The following PXMP2 variants were observed in gnomAD, a reference collection of about 807,000 sequenced individuals.
PXMP2 encodes 22 kDa peroxisomal membrane protein.
PXMP2 carries 13 observed loss-of-function variants against 20.2 expected under a neutral mutation model. The ratio of observed to expected loss-of-function variants is 0.64; its 90% CI spans 0.42 to 1.02. PXMP2 has a LOEUF of 1.02. PXMP2 is among the 50% of genes least tolerant of loss of function. The pLI is 0.00. For synonymous variants in PXMP2, 113 were observed against 111.2 expected, an observed-to-expected ratio of 1.02 and a Z score of -0.10; for missense variants, 284 against 251.8, an observed-to-expected ratio of 1.13 and a Z score of -0.87.
Position 132,692,352 on chromosome 12 carries a change from CAGTT to C in PXMP2, c.236+1984_236+1987del, listed in dbSNP as rs1460443684. Among the ~76,000 whole-genome samples the C allele has an allele frequency of 3.6e-4, 42 of 115,480 alleles. 1 individual carries two copies. The highest frequency in any genetic ancestry group is 1.8e-3 in the South Asian group (6 of 3,392). The allele number at this position is 115,480 out of a possible 152,430, so 75.8% of individuals were successfully genotyped here. ...CAGTTAGTTAGTGAGCGCCCTTAGC[CAGTT>C]AGTTAGTGAGCTCCCTTGCCAGTTA... On this transcript the variant is annotated intron_variant, in intron 2 of 4. Coordinates refer to ENST00000317479, the MANE Select transcript of PXMP2 (RefSeq NM_018663.3).
chr12:132,691,354 G>A (rs1042163613), intron 2 of PXMP2, among the ~76,000 whole-genome samples: 1 of 152,090 alleles, frequency 6.6e-6, no homozygotes, highest in African/African-American at 2.4e-5. Context: ...GGCCTCTATT[G>A]TTATTTTCAT....
intron 3 of PXMP2, among the ~76,000 whole-genome samples, chr12:132,700,336 C>T (rs376602895): frequency 2.0e-5 from 3 of 152,100 alleles, no homozygotes; most frequent in Non-Finnish European, 4.4e-5. Flanking sequence ...CATGAGCCAC[C>T]GCGCCTGGCC....
At chr12:132,704,268 A>G (rs1383894862) in intron 4 of PXMP2, among the ~76,000 whole-genome samples, 1 of 152,092 alleles carries the variant, frequency 6.6e-6, no homozygotes, top group Non-Finnish European at 1.5e-5. Context: ...GTGTCCCCTG[A>G]GGAGGGTGCA....
intron 2 of PXMP2, among the ~76,000 whole-genome samples, chr12:132,691,808 A>G (rs1041564599): frequency 6.6e-6 from 1 of 152,260 alleles, no homozygotes; most frequent in African/African-American, 2.4e-5. Context: ...CAACGTCACA[A>G]GTTGAAAGAC....
At position 132,694,532 on chromosome 12, in the gene PXMP2, TTAGA is replaced by T. The variant is rs1475240894; in HGVS notation, c.237-1348_237-1345del. Among the ~76,000 whole-genome samples, 9 of 89,108 alleles carry T rather than the reference TTAGA, an allele frequency of 1.0e-4. 1 individual carries two copies. Among genetic ancestry groups the T allele is most frequent in the South Asian group, 4.1e-4 (1 of 2,458 alleles). 58.5% of individuals were successfully genotyped at this position (89,108 alleles called of 152,430 possible). ...TAGTTAAGTGAGCGCCCTTAGCCAGTTAGATAGTGAGCGCCCTTGCCAGTTAGTT... is the reference window on the plus strand; with the variant it reads ...TAGTTAAGTGAGCGCCCTTAGCCAGTTAGTGAGCGCCCTTGCCAGTTAGTT... On this transcript the variant is annotated intron_variant, in intron 2 of 4. Coordinates refer to ENST00000317479, the MANE Select transcript of PXMP2 (RefSeq NM_018663.3).
In PXMP2 at chr12:132,689,196, G is replaced by A. The variant is rs563491785; in HGVS notation, c.123-1067G>A. ...GGGGCACGGGTAAAGACAGGGCCAAGGGAGCGGGTCTGCGTGGTGCGGGTG... is the reference window on the plus strand; with the variant it reads ...GGGGCACGGGTAAAGACAGGGCCAAAGGAGCGGGTCTGCGTGGTGCGGGTG... On this transcript the variant is annotated intron_variant, in intron 1 of 4. Transcript: ENST00000317479. 1.3e-3 allele frequency among the ~76,000 whole-genome samples: 190 copies of A among 145,270 alleles called. 2 individuals carry two copies. The highest frequency in any genetic ancestry group is 4.2e-3 in the African/African-American group (164 of 38,708).
intron 4 of PXMP2, among the ~76,000 whole-genome samples, chr12:132,703,428 G>T (rs1353035047): frequency 1.3e-5 from 2 of 152,204 alleles, no homozygotes; most frequent in East Asian, 3.9e-4. Flanking sequence ...AGAAAGAGCA[G>T]CTCTGCGGGG....
rs1296568641 is a variant in PXMP2 at position 132,701,269 on chromosome 12, TCGC to T, written c.424_426del (p.Ala142del). On this transcript the variant is annotated inframe_deletion, in exon 4 of 5. Transcript: ENST00000317479. ...TTGCAGGGGAAAGACGCCTCAGCCT[TCGC>T]CGCCAAGATGAGGGGGGGCTTCTGG... The T allele has an allele frequency of 6.2e-7, 1 of 1,613,468 alleles. No individual in the cohort carries two copies. Among genetic ancestry groups the T allele is most frequent in the Admixed American group, 1.7e-5 (1 of 59,904 alleles).
intron 3 of PXMP2, among the ~76,000 whole-genome samples, chr12:132,698,441 T>A (rs1359587577): frequency 6.6e-6 from 1 of 152,228 alleles, no homozygotes; most frequent in Non-Finnish European, 1.5e-5. Context: ...ATAGAAATAT[T>A]CTCCTCTGCT....
At chr12:132,702,134 C>T (rs993606483) in intron 4 of PXMP2, among the ~76,000 whole-genome samples, 1 of 152,200 alleles carries the variant, frequency 6.6e-6, no homozygotes, top group Non-Finnish European at 1.5e-5. Context: ...ATTCGTGGTC[C>T]CTGGGCTCAT....
At chr12:132,694,878 AG>A in intron 2 of PXMP2, among the ~76,000 whole-genome samples, 1 of 142,530 alleles carries the variant, frequency 7.0e-6, no homozygotes, top group African/African-American at 2.7e-5. Context: ...CCAGTTAGTT[AG>A]TGAGCGCCCT....
chr12:132,691,751 A>G (rs985750451), intron 2 of PXMP2, among the ~76,000 whole-genome samples: 7 of 152,172 alleles, frequency 4.6e-5, no homozygotes, highest in Non-Finnish European at 4.4e-5. Flanking sequence ...ATAACCCCCT[A>G]TGACTGGGTG....
chr12:132,687,587 A>C lies in PXMP2; in HGVS notation c.-84A>C. 2 of 1,159,196 alleles carry C rather than the reference A, an allele frequency of 1.7e-6. No homozygotes were observed. The highest frequency in any genetic ancestry group is 2.1e-6 in the Non-Finnish European group (2 of 936,318). The allele number at this position is 1,159,196 out of a possible 1,614,324, so 71.8% of individuals were successfully genotyped here. A position where few individuals can be genotyped will look rare whatever the true frequency, so the allele number is the denominator to read the frequency against. On this transcript the variant is annotated 5_prime_UTR_variant, in exon 1 of 5. Coordinates refer to ENST00000317479, the MANE Select transcript of PXMP2 (RefSeq NM_018663.3). ...GGGCCGGAAATGTCAGGCGGTCCCC[A>C]CTCCGCTCTCGGCGCCTCGGGCTCC...
intron 2 of PXMP2, 113 bp from the exon 3 acceptor site, chr12:132,695,771 C>T (rs2043406430): frequency 1.7e-6 from 2 of 1,168,726 alleles, no homozygotes; most frequent in Non-Finnish European, 2.4e-6. Context: ...GTGGCCAATA[C>T]TGAGGGACAT....
chr12:132,695,402 G>A (rs1157688539), intron 2 of PXMP2, among the ~76,000 whole-genome samples: 2 of 152,254 alleles, frequency 1.3e-5, no homozygotes, highest in Admixed American at 6.5e-5. Flanking sequence ...CCAGGGACAT[G>A]TCTGATGATT....
At chr12:132,689,876 G>A (rs2043356518) in intron 1 of PXMP2, among the ~76,000 whole-genome samples, 1 of 152,166 alleles carries the variant, frequency 6.6e-6, no homozygotes, top group South Asian at 2.1e-4. Flanking sequence ...TCTTGTAGCT[G>A]TATCTGTTCT....
chr12:132,687,814 G>C (rs1038080245), intron 1 of PXMP2, 22 bp downstream of exon 1: 5 of 1,138,332 alleles, frequency 4.4e-6, no homozygotes, highest in Non-Finnish European at 4.3e-6. Context: ...CGCGGGAATC[G>C]GACGCCGCCC....
chr12:132,697,202 T>C (rs906489269), intron 3 of PXMP2, among the ~76,000 whole-genome samples: 4 of 151,164 alleles, frequency 2.6e-5, no homozygotes, highest in Admixed American at 2.6e-4. Flanking sequence ...AGAAGATCCC[T>C]TGAGCCCAAG....
intron 4 of PXMP2, 58 bp from the exon 5 acceptor site, chr12:132,704,561 G>A: frequency 1.5e-6 from 2 of 1,311,038 alleles, no homozygotes; most frequent in Non-Finnish European, 2.0e-6. Flanking sequence ...GACTGAGGCT[G>A]GATAACTGGC....
Sources: allele counts gnomAD v4.1 joint callset (sites outside exome capture counted in the v4.1 genomes callset), GRCh38; gene constraint gnomAD v4.1.1; transcripts MANE v1.5; gene names NCBI Gene and HGNC (gene_info 2026-07-23, HGNC 2026-07-21).